MYO1E: variants seen among roughly 807,000 people sequenced by gnomAD.
MYO1E encodes unconventional myosin-Ie.
Under a neutral mutation model 151.1 loss-of-function variants are expected in MYO1E, and 68 were observed. That is an observed-to-expected ratio of 0.45 (90% confidence interval 0.37 to 0.55). MYO1E has a LOEUF of 0.55. Ranked by LOEUF, MYO1E falls within the 20% of genes least tolerant of loss-of-function variation. MYO1E has a pLI of 0.00. For missense variants in MYO1E, 1,363 were observed against 1,389.3 expected, an observed-to-expected ratio of 0.98 and a Z score of 0.30; for synonymous variants, 601 against 501.7, an observed-to-expected ratio of 1.20 and a Z score of -2.64.
intron 27 of MYO1E, 66 bp downstream of exon 27, chr15:59,138,132 G>A: frequency 6.4e-7 from 1 of 1,572,514 alleles, no homozygotes. Flanking sequence ...TTTCACACTA[G>A]ATCTTACAGC....
chr15:59,325,036 T>C (rs973458102), intron 1 of MYO1E, among the ~76,000 whole-genome samples: 1 of 143,170 alleles, frequency 7.0e-6, no homozygotes, highest in Non-Finnish European at 1.5e-5. Context: ...TTTCCTTTTC[T>C]TTTTTTTTTT....
At position 59,132,697 on chromosome 15, in the gene MYO1E, G is replaced by A. The variant is rs2079352216; in HGVS notation, c.*4683C>T. The stretch of plus-strand genomic sequence containing the variant: ...GTGGGTGCTTTGGGTTTGATTTTAA[G>A]TAGTGGTGATCTCTATACTTTAGTT... On this transcript the variant is annotated 3_prime_UTR_variant, in exon 28 of 28. Transcript: ENST00000288235. 1 of 152,240 alleles carries A rather than the reference G, an allele frequency of 6.6e-6. No individual in the cohort carries two copies. Among genetic ancestry groups the A allele is most frequent in the Non-Finnish European group, 1.5e-5 (1 of 68,048 alleles). The allele number at this position is 152,240 out of a possible 1,614,324, so 9.4% of individuals were successfully genotyped here. A position where few individuals can be genotyped will look rare whatever the true frequency, so the allele number is the denominator to read the frequency against.
intron 12 of MYO1E, among the ~76,000 whole-genome samples, chr15:59,211,378 T>C (rs2079878285): frequency 6.6e-6 from 1 of 152,266 alleles, no homozygotes; most frequent in East Asian, 1.9e-4. Flanking sequence ...AGGTCTTTCT[T>C]ATTTCCAGAC....
At chr15:59,324,949 G>GAAA (rs11306933) in intron 1 of MYO1E, among the ~76,000 whole-genome samples, 17 of 134,020 alleles carry the variant, frequency 1.3e-4, no homozygotes, top group East Asian at 7.6e-4. Flanking sequence ...AGGCTTTTTA[G>GAAA]AAAAAAAAAA....
intron 2 of MYO1E, among the ~76,000 whole-genome samples, chr15:59,270,400 C>T (rs960712286): frequency 5.9e-5 from 9 of 151,766 alleles, no homozygotes; most frequent in Non-Finnish European, 1.2e-4. Context: ...AAAAATCAGC[C>T]AGGCATCGTG....
At position 59,341,198 on chromosome 15, in the gene MYO1E, T is replaced by A. The variant is rs2080763443; in HGVS notation, c.3+31300A>T. On this transcript the variant is annotated intron_variant, in intron 1 of 27. Transcript: ENST00000288235. ...GGGTATCCACACCCTCAAGGATTTA[T>A]CCTTTGTGTTTCAAAAAATCCAGTA... 4 of 152,306 alleles carry A rather than the reference T, an allele frequency of 2.6e-5. No individual in the cohort carries two copies. The South Asian group carries it at 6.2e-4, about 24-fold the overall frequency. The allele number at this position is 152,306 out of a possible 1,614,324, so 9.4% of individuals were successfully genotyped here.
intron 2 of MYO1E, chr15:59,271,204 G>A (rs1448050845): frequency 3.3e-5 from 5 of 152,188 alleles, no homozygotes; most frequent in Non-Finnish European, 5.9e-5. Context: ...CGCTGCAAAA[G>A]TTATTACTGC....
At chr15:59,349,463 C>A (rs1164178738) in intron 1 of MYO1E, among the ~76,000 whole-genome samples, 1 of 152,024 alleles carries the variant, frequency 6.6e-6, no homozygotes, top group East Asian at 1.9e-4. Context: ...TAAACTGAAC[C>A]CACTCTATTC....
rs1264187087 is a variant in MYO1E at position 59,163,298 on chromosome 15, A to G, written c.2486T>C (p.Met829Thr). ...ERILSVSLST[M>T]QDDIFILHEQ... is the part of the protein sequence containing the mutation. ...ATGGAGAATAAAAATGTCATCCTGC[A>G]TAGTACTGTAAAGAGATTGGACAAA... is the stretch of plus-strand genomic sequence containing the variant. The change falls in exon 23 of 28, where the codon ATG becomes ACG. Residue 829 changes from methionine to threonine, a missense_variant. Transcript: ENST00000288235. 6.2e-7 allele frequency: 1 copy of G among 1,613,402 alleles called. No individual in the cohort carries two copies. The highest frequency in any genetic ancestry group is 8.5e-7 in the Non-Finnish European group (1 of 1,179,630).
At chr15:59,207,734 C>CT in intron 14 of MYO1E, 1 of 1,614,102 alleles carries the variant, frequency 6.2e-7, no homozygotes, top group Non-Finnish European at 8.5e-7. Flanking sequence ...GATCTGAACT[C>CT]TGATATAGGA....
At position 59,334,939 on chromosome 15, in the gene MYO1E, T is replaced by C. The variant is rs1196562782; in HGVS notation, c.3+37559A>G. On this transcript the variant is annotated intron_variant, in intron 1 of 27. Transcript: ENST00000288235. ...ACACTTTCAGAAACCTCATAGAGAA[T>C]TGCCAAGCAGACAAAGGAAGCCTAT... Among the ~76,000 whole-genome samples the C allele has an allele frequency of 6.6e-5, 10 of 152,288 alleles. No individual in the cohort carries two copies. In the East Asian group the frequency reaches 1.2e-3, roughly 18 times the overall value.
chr15:59,303,437 G>A (rs534344100), intron 1 of MYO1E, among the ~76,000 whole-genome samples: 1 of 152,220 alleles, frequency 6.6e-6, no homozygotes, highest in Admixed American at 6.5e-5. Flanking sequence ...GCTGAGGCAG[G>A]AGAATTGCTT....
At chr15:59,157,033 G>A (rs1201267274) in intron 25 of MYO1E, among the ~76,000 whole-genome samples, 1 of 151,796 alleles carries the variant, frequency 6.6e-6, no homozygotes, top group African/African-American at 2.4e-5. Context: ...GACCAGCCTG[G>A]GCAACACAGT....
At position 59,208,479 on chromosome 15, in the gene MYO1E, C is replaced by A. The variant is rs1353013929; in HGVS notation, c.1530+202G>T. ...ATATGCTGTAAAAAAGTAGTAGCTT[C>A]TTCTACAATGTAAAAATAAATGTAC... On this transcript the variant is annotated intron_variant, in intron 14 of 27. Coordinates refer to ENST00000288235, the MANE Select transcript of MYO1E (RefSeq NM_004998.4). 3.5e-5 allele frequency: 23 copies of A among 659,766 alleles called. No homozygotes were observed. In the East Asian group the frequency reaches 6.1e-4, roughly 18 times the overall value. 40.9% of individuals were successfully genotyped at this position (659,766 alleles called of 1,614,324 possible).
In MYO1E at chr15:59,134,551, C is replaced by CCT. The variant is rs1165314801; in HGVS notation, c.*2827_*2828dup. 6.6e-6 allele frequency: 1 copy of CCT among 152,176 alleles called. No homozygotes were observed. The highest frequency in any genetic ancestry group is 1.5e-5 in the Non-Finnish European group (1 of 68,058). The allele number at this position is 152,176 out of a possible 1,614,324, so 9.4% of individuals were successfully genotyped here. A position where few individuals can be genotyped will look rare whatever the true frequency, so the allele number is the denominator to read the frequency against. ...AGAGTGGATACCACCCTTATACAGA[C>CCT]CTCTGTCTCTCTCTCTTCTACAACT... On this transcript the variant is annotated 3_prime_UTR_variant, in exon 28 of 28. Coordinates refer to ENST00000288235, the MANE Select transcript of MYO1E (RefSeq NM_004998.4).
chr15:59,243,098 G>GATTT (rs2080109592), intron 4 of MYO1E, among the ~76,000 whole-genome samples: 1 of 15,248 alleles, frequency 6.6e-5, no homozygotes, highest in Non-Finnish European at 1.6e-4. Context: ...ATTAGACCCT[G>GATTT]CTTTTTTTTT....
At chr15:59,167,508 G>A (rs1250082665) in intron 22 of MYO1E, among the ~76,000 whole-genome samples, 2 of 152,150 alleles carry the variant, frequency 1.3e-5, no homozygotes, top group Admixed American at 6.5e-5. Flanking sequence ...TGAACAAGAA[G>A]CAACTCTGGG....
At position 59,350,530 on chromosome 15, in the gene MYO1E, G is replaced by C. The variant is rs1190602421; in HGVS notation, c.3+21968C>G. On this transcript the variant is annotated intron_variant, in intron 1 of 27. Transcript: ENST00000288235. The surrounding 1 kb of genome is among the most constrained non-coding windows in gnomAD (Gnocchi z 5.0). ...CAGAGACTACATGCATTACTGAGAG[G>C]AAAGTGGGGAGAGGAGGCCTGATCC... Among the ~76,000 whole-genome samples the C allele has an allele frequency of 6.6e-6, 1 of 152,212 alleles. No homozygotes were observed. Among genetic ancestry groups the C allele is most frequent in the African/African-American group, 2.4e-5 (1 of 41,456 alleles).
Position 59,208,866 on chromosome 15 carries a change from GCAAGGCCCTAGT to G in MYO1E, c.1363-30_1363-19del. On this transcript the variant is annotated intron_variant, in intron 13 of 27. Coordinates refer to ENST00000288235, the MANE Select transcript of MYO1E (RefSeq NM_004998.4). ...GGAGGGTTCTGATGGGAGCAAGAAG[GCAAGGCCCTAGT>G]CACTGACCTCTCCAAAACAGACAAT... 1 of 1,613,860 alleles carries G rather than the reference GCAAGGCCCTAGT, an allele frequency of 6.2e-7. No homozygotes were observed. Among genetic ancestry groups the G allele is most frequent in the Non-Finnish European group, 8.5e-7 (1 of 1,180,032 alleles).
Sources: allele counts gnomAD v4.1 joint callset (sites outside exome capture counted in the v4.1 genomes callset), GRCh38; gene constraint gnomAD v4.1.1; non-coding constraint Gnocchi (gnomAD v3.1); transcripts MANE v1.5; gene names NCBI Gene and HGNC (gene_info 2026-07-23, HGNC 2026-07-21).